Variants in TLR6 observed in about 807,000 individuals in gnomAD.
The protein encoded by TLR6 is toll-like receptor 6.
In TLR6, 9 loss-of-function variants were observed where a neutral mutation model predicts 16.1. The observed-to-expected ratio is 0.56, with a 90% CI of 0.34 to 0.98. The LOEUF (loss-of-function observed/expected upper bound fraction) is 0.98. Among genes scored for constraint, TLR6 ranks in the 50% least tolerant of loss-of-function variants. The pLI is 0.02. For synonymous variants in TLR6, 340 were observed against 338.6 expected (o/e 1.00, Z -0.04); for missense variants, 786 against 921.0 (o/e 0.85, Z 1.90).
chr4:38,832,468 C>A (rs942067588), intron 1 of TLR6, among the ~76,000 whole-genome samples: 30 of 152,216 alleles, frequency 2.0e-4, no homozygotes, highest in African/African-American at 7.2e-4. Flanking sequence ...GTAATCCTAG[C>A]CATGAGCTAG....
chr4:38,841,136 A>G (rs894876929), intron 1 of TLR6, among the ~76,000 whole-genome samples: 11 of 152,030 alleles, frequency 7.2e-5, no homozygotes, highest in Non-Finnish European at 1.5e-4. Context: ...ACAATTTGCT[A>G]TGCTATGTAT....
At chr4:38,844,368 T>C (rs1847480) in intron 1 of TLR6, among the ~76,000 whole-genome samples, 37,331 of 152,108 alleles carry the variant, frequency 0.25, 5,062 homozygotes, top group Non-Finnish European at 0.28. Flanking sequence ...AAACAAATAG[T>C]TCACAATGAA....
Position 38,828,402 on chromosome 4 carries a change from A to G in TLR6, c.1072T>C (p.Leu358=), listed in dbSNP as rs754299631. Residue 358 remains leucine, a synonymous_variant, in exon 2 of 2, where the codon TTG becomes CTG. Transcript: ENST00000436693. ...GTGAAAACGTTCTGGGTAAAGTTCA[A>G]AAACTTGAATGTGCTTGGTGCATGA... is the stretch of plus-strand genomic sequence containing the variant. 11 of 1,613,230 alleles carry G rather than the reference A, an allele frequency of 6.8e-6. No homozygotes were observed. In the Admixed American group the frequency reaches 1.8e-4, roughly 27 times the overall value.
intron 1 of TLR6, among the ~76,000 whole-genome samples, chr4:38,834,763 T>G (rs973803888): frequency 1.3e-5 from 2 of 152,182 alleles, no homozygotes; most frequent in African/African-American, 2.4e-5. Context: ...AAGAAGAAAC[T>G]GTCAACCAAG....
At chr4:38,839,312 A>T (rs185822815) in intron 1 of TLR6, among the ~76,000 whole-genome samples, 4,830 of 150,222 alleles carry the variant, frequency 0.032, 224 homozygotes, top group African/African-American at 0.092. Flanking sequence ...TTTTTTTTTA[A>T]AAAAAATTAA....
exon 2 of TLR6, chr4:38,829,152 A>G: frequency 1.9e-6 from 3 of 1,614,164 alleles, no homozygotes; most frequent in Non-Finnish European, 2.5e-6. Flanking sequence ...TGATTATGAG[A>G]TAAATCCAAA....
chr4:38,864,016 T>C, the TLR6 span, among the ~76,000 whole-genome samples: 1 of 152,364 alleles, frequency 6.6e-6, no homozygotes, highest in African/African-American at 2.4e-5. Flanking sequence ...CTTACCTTTC[T>C]GTGAATGCAT....
chr4:38,827,221 C>T, exon 2 of TLR6: 1 of 1,614,156 alleles, frequency 6.2e-7, no homozygotes, highest in Non-Finnish European at 8.5e-7. Context: ...TGAGAGCCTT[C>T]AGCTTGTGGT....
At chr4:38,829,099 A>G in exon 2 of TLR6, 3 of 1,614,160 alleles carry the variant, frequency 1.9e-6, no homozygotes, top group Non-Finnish European at 2.5e-6. Context: ...AGAGATCTAA[A>G]TGCCTGAAAC....
At chr4:38,858,794 A>G (rs1263242008), upstream of TLR6, among the ~76,000 whole-genome samples, 1 of 28,428 alleles carries the variant, frequency 3.5e-5, no homozygotes, top group Admixed American at 3.3e-4. Flanking sequence ...AGAGAGAGGG[A>G]GAGAGAGAGA....
chr4:38,839,831 C>T (rs1286387684), intron 1 of TLR6, among the ~76,000 whole-genome samples: 1 of 152,166 alleles, frequency 6.6e-6, no homozygotes, highest in Non-Finnish European at 1.5e-5. Context: ...TGAGTGTGGC[C>T]TATTGGGGCA....
chr4:38,858,869 AAGAAAGAAAGAAAGAAAG>A (rs1713123279), upstream of TLR6, among the ~76,000 whole-genome samples: 1 of 138,964 alleles, frequency 7.2e-6, no homozygotes, highest in Non-Finnish European at 1.5e-5. Flanking sequence ...GAAAGAAAGA[AAGAAAGAAAGAAAGAAAG>A]AGAGAAAGAA....
intron 1 of TLR6, among the ~76,000 whole-genome samples, chr4:38,838,967 G>GGAAGGAAGGAAGGAAGGGGAGGGA (rs1553857885): frequency 3.1e-5 from 4 of 129,202 alleles, no homozygotes; most frequent in African/African-American, 1.0e-4. Context: ...GAAGGAAGGG[G>GGAAGGAAGGAAGGAAGGGGAGGGA]AGGAAGGAAA....
At chr4:38,845,202 T>C (rs2079202559) in intron 1 of TLR6, among the ~76,000 whole-genome samples, 2 of 152,218 alleles carry the variant, frequency 1.3e-5, no homozygotes, top group African/African-American at 4.8e-5. Flanking sequence ...TTTATCTATA[T>C]TGATCGATTG....
Position 38,829,546 on chromosome 4 carries a change from A to G in TLR6, c.-64-9T>C. ...TGATATGAGTCCAAATTCTAGAAATATAATATACACTAAGATTAATAAAGA... is the reference window on the plus strand; with the variant it reads ...TGATATGAGTCCAAATTCTAGAAATGTAATATACACTAAGATTAATAAAGA... On this transcript the variant is annotated splice_polypyrimidine_tract_variant and intron_variant, in intron 1 of 1. Transcript: ENST00000436693. The G allele has an allele frequency of 2.4e-6, 2 of 837,926 alleles. No individual in the cohort carries two copies. Among genetic ancestry groups the G allele is most frequent in the Non-Finnish European group, 3.8e-6 (2 of 525,554 alleles). 51.9% of individuals were successfully genotyped at this position (837,926 alleles called of 1,614,324 possible).
At chr4:38,867,168 C>T in the TLR6 span, among the ~76,000 whole-genome samples, 1 of 152,226 alleles carries the variant, frequency 6.6e-6, no homozygotes. Context: ...GCTTACTTCA[C>T]CAATCTTACT....
chr4:38,835,402 A>G (rs1166624491), intron 1 of TLR6, among the ~76,000 whole-genome samples: 1 of 152,234 alleles, frequency 6.6e-6, no homozygotes, highest in Non-Finnish European at 1.5e-5. Context: ...TAAAGGGATC[A>G]ATTCATCAAA....
the TLR6 span, among the ~76,000 whole-genome samples, chr4:38,865,760 T>G: frequency 6.6e-6 from 1 of 152,346 alleles, no homozygotes; most frequent in East Asian, 1.9e-4. Context: ...AAAGTCTCGC[T>G]CAATTCAAAA....
chr4:38,827,599 C>G (rs1279852396), exon 2 of TLR6: 1 of 1,614,052 alleles, frequency 6.2e-7, no homozygotes, highest in African/African-American at 1.3e-5. Context: ...TGGCCCTGCG[C>G]CGAGTCTGGG....
Sources: allele counts gnomAD v4.1 joint callset (sites outside exome capture counted in the v4.1 genomes callset), GRCh38; gene constraint gnomAD v4.1.1; transcripts MANE v1.5; gene names NCBI Gene and HGNC (gene_info 2026-07-23, HGNC 2026-07-21).